JMJD1C: variants seen among roughly 807,000 people sequenced by gnomAD.
JMJD1C encodes jumonji domain-containing protein 1C.
Under a neutral mutation model 245.3 loss-of-function variants are expected in JMJD1C, and 31 were observed. The observed-to-expected ratio is 0.13, with a 90% CI of 0.09 to 0.17. JMJD1C has a LOEUF of 0.17. Among genes scored for constraint, JMJD1C ranks in the 10% least tolerant of loss-of-function variants. JMJD1C has a pLI of 1.00. For synonymous variants in JMJD1C, 1,057 were observed against 1,017.4 expected (o/e 1.04, Z -0.74); for missense variants, 2,691 against 3,000.2 (o/e 0.90, Z 2.41).
chr10:63,256,721 A>C (rs1853983885), intron 3 of JMJD1C, among the ~76,000 whole-genome samples: 1 of 152,210 alleles, frequency 6.6e-6, no homozygotes, highest in Non-Finnish European at 1.5e-5. Flanking sequence ...ATCTACCAGT[A>C]GTCAGTTCAT....
At chr10:63,420,104 C>T (rs573779443) in intron 1 of JMJD1C, among the ~76,000 whole-genome samples, 139 of 151,704 alleles carry the variant, frequency 9.2e-4, no homozygotes, top group African/African-American at 3.2e-3. Flanking sequence ...CCACTGCACT[C>T]CAGCCTGGGC....
intron 2 of JMJD1C, among the ~76,000 whole-genome samples, chr10:63,289,874 T>C (rs1858431244): frequency 6.6e-6 from 1 of 152,038 alleles, no homozygotes; most frequent in Admixed American, 6.6e-5. Flanking sequence ...AAAACCTGAT[T>C]ACAGGCAAAA....
chr10:63,266,880 AAGAG>A (rs1243907018), intron 2 of JMJD1C, among the ~76,000 whole-genome samples: 1 of 152,176 alleles, frequency 6.6e-6, no homozygotes, highest in African/African-American at 2.4e-5. Flanking sequence ...CATTCTTCTG[AAGAG>A]AGCTCTCCTT....
chr10:63,476,619 G>A (rs1053660804), intron 1 of JMJD1C, among the ~76,000 whole-genome samples: 2 of 151,940 alleles, frequency 1.3e-5, no homozygotes, highest in African/African-American at 4.8e-5. Context: ...AAGCTACTTG[G>A]GAGGGAGGCT....
At chr10:63,222,227 G>T in intron 3 of JMJD1C, 1 of 776,620 alleles carries the variant, frequency 1.3e-6, no homozygotes, top group Non-Finnish European at 2.4e-6. Context: ...TTATAGGGGG[G>T]TTCAAAAGCA....
At chr10:63,487,029 G>C (rs569811121) in intron 1 of JMJD1C, among the ~76,000 whole-genome samples, 1 of 152,300 alleles carries the variant, frequency 6.6e-6, no homozygotes, top group East Asian at 1.9e-4. Flanking sequence ...TTCATGGTTG[G>C]CATCACAAAA....
At chr10:63,196,242 TCAA>T (rs1049881717) in intron 13 of JMJD1C, among the ~76,000 whole-genome samples, 7 of 150,812 alleles carry the variant, frequency 4.6e-5, no homozygotes, top group African/African-American at 1.5e-4. Flanking sequence ...AAACTCCGTC[TCAA>T]CAACAACATC....
At chr10:63,448,262 T>C (rs1191081019) in intron 1 of JMJD1C, among the ~76,000 whole-genome samples, 1 of 152,118 alleles carries the variant, frequency 6.6e-6, no homozygotes, top group Non-Finnish European at 1.5e-5. Flanking sequence ...GTTCATGGGA[T>C]TCTCTTGCCT....
chr10:63,304,921 G>A (rs1937800288), intron 2 of JMJD1C, among the ~76,000 whole-genome samples: 2 of 152,118 alleles, frequency 1.3e-5, no homozygotes, highest in African/African-American at 4.8e-5. Flanking sequence ...ATCACTTGAA[G>A]CCAGGAATTT....
In JMJD1C at chr10:63,389,290, T is replaced by C. The variant is rs531194940; in HGVS notation, c.169-8808A>G. ...TCGTGCCAATACAGTCCAGCCTGGG[T>C]GACAAAGTGAGACCCTGTCTCAAAA... is the stretch of plus-strand genomic sequence containing the variant. On this transcript the variant is annotated intron_variant, in intron 1 of 25. Coordinates refer to ENST00000399262, the MANE Select transcript of JMJD1C (RefSeq NM_032776.3). 2.4e-5 allele frequency among the ~76,000 whole-genome samples: 3 copies of C among 123,208 alleles called. No homozygotes were observed. In the South Asian group the frequency reaches 7.3e-4, roughly 30 times the overall value. The allele number at this position is 123,208 out of a possible 152,430, so 80.8% of individuals were successfully genotyped here.
intron 1 of JMJD1C, among the ~76,000 whole-genome samples, chr10:63,444,267 A>G (rs765158540): frequency 3.3e-5 from 5 of 151,802 alleles, no homozygotes; most frequent in Non-Finnish European, 7.4e-5. Flanking sequence ...GGACATTTCT[A>G]TTTATTTATT....
chr10:63,380,574 G>A (rs78069154), intron 1 of JMJD1C, 92 bp from the exon 2 acceptor site: 2 of 941,556 alleles, frequency 2.1e-6, no homozygotes, highest in Non-Finnish European at 3.2e-6. Context: ...ATATTTATGG[G>A]GTACATATGA....
chr10:63,310,388 T>C (rs903385638), intron 2 of JMJD1C, among the ~76,000 whole-genome samples: 3 of 152,186 alleles, frequency 2.0e-5, no homozygotes, highest in African/African-American at 4.8e-5. Context: ...ACTTATAAAG[T>C]TACAATATTT....
intron 2 of JMJD1C, among the ~76,000 whole-genome samples, chr10:63,360,922 T>TTACA (rs1945271026): frequency 6.6e-6 from 1 of 152,088 alleles, no homozygotes; most frequent in Non-Finnish European, 1.5e-5. Context: ...GTAGCTGGGA[T>TTACA]TACATGCGTG....
At chr10:63,517,635 TAAAG>T (rs1014751851) in intron 1 of JMJD1C, among the ~76,000 whole-genome samples, 2 of 152,152 alleles carry the variant, frequency 1.3e-5, no homozygotes, top group African/African-American at 4.8e-5. Context: ...GTTCAGTACT[TAAAG>T]AAATCATATC....
intron 2 of JMJD1C, chr10:63,359,026 T>C (rs1945101466): frequency 6.5e-6 from 1 of 154,002 alleles, no homozygotes; most frequent in African/African-American, 2.4e-5. Context: ...CAGATAGAAA[T>C]CCATTTCATA....
At chr10:63,333,816 A>C (rs1247454605) in intron 2 of JMJD1C, among the ~76,000 whole-genome samples, 1 of 152,184 alleles carries the variant, frequency 6.6e-6, no homozygotes, top group Non-Finnish European at 1.5e-5. Context: ...AATCCTTGCA[A>C]ATGAAACATA....
chr10:63,492,665 G>T (rs769341897), intron 1 of JMJD1C, among the ~76,000 whole-genome samples: 4 of 151,732 alleles, frequency 2.6e-5, no homozygotes, highest in Non-Finnish European at 4.4e-5. Flanking sequence ...ACAGAGTGAG[G>T]CTCTGTCTCA....
Position 63,190,788 on chromosome 10 carries a change from A to G in JMJD1C, c.6291+106T>C, listed in dbSNP as rs1026484898. 1.2e-5 allele frequency: 9 copies of G among 782,536 alleles called. No homozygotes were observed. In the Admixed American group the frequency reaches 2.0e-4, roughly 18 times the overall value. The allele number at this position is 782,536 out of a possible 1,614,324, so 48.5% of individuals were successfully genotyped here. A position where few individuals can be genotyped will look rare whatever the true frequency, so the allele number is the denominator to read the frequency against. Reference sequence around the variant, plus strand: ...ATAGAAACATGCCTAGCAATTTGGTACACTTGATTTCATCAGCATACTGGG... The same window carrying G: ...ATAGAAACATGCCTAGCAATTTGGTGCACTTGATTTCATCAGCATACTGGG... On this transcript the variant is annotated intron_variant, in intron 17 of 25. Transcript: ENST00000399262.
Sources: gnomAD v4.1 joint callset for allele counts (sites outside exome capture counted in the v4.1 genomes callset) on GRCh38, gnomAD v4.1.1 for gene constraint, MANE v1.5 for transcripts, NCBI Gene and HGNC (gene_info 2026-07-23, HGNC 2026-07-21) for gene names.